Variants in ZNF469 observed in about 807,000 individuals in gnomAD.
ZNF469 encodes the protein zinc finger protein 469.
A neutral mutation model predicts 1.0 loss-of-function variants in ZNF469; 1 was observed. The observed-to-expected ratio is 1.00, with a 90% CI of 0.35 to 4.73. The LOEUF (loss-of-function observed/expected upper bound fraction) is 4.73, where lower values mean the gene tolerates loss of function less well. Among genes scored for constraint, ZNF469 ranks in the 30% most tolerant of loss-of-function variants. The pLI is 0.16. For missense variants in ZNF469, 6,100 were observed against 5,356.3 expected (o/e 1.14, Z -4.33); for synonymous variants, 2,703 against 2,363.4 (o/e 1.14, Z -4.17).
the ZNF469 span, among the ~76,000 whole-genome samples, chr16:88,204,101 T>C: frequency 1.2e-3 from 152 of 124,534 alleles, 1 homozygote; most frequent in African/African-American, 4.5e-3. Context: ...CAGCCGGAGG[T>C]GCCCCGTAAC....
At chr16:88,178,119 C>G in the ZNF469 span, 1 of 152,264 alleles carries the variant, frequency 6.6e-6, no homozygotes, top group African/African-American at 2.4e-5. Flanking sequence ...GAGTGATCTC[C>G]TTAGTCCATC....
At chr16:88,380,625 A>G (rs1307983822), upstream of ZNF469, among the ~76,000 whole-genome samples, 2 of 145,686 alleles carry the variant, frequency 1.4e-5, no homozygotes, top group Admixed American at 6.9e-5. Context: ...ACACCCAGAC[A>G]TGCGCTCACA....
chr16:88,392,157 T>A (rs1255531767), intron 1 of ZNF469, among the ~76,000 whole-genome samples: 1 of 152,276 alleles, frequency 6.6e-6, no homozygotes, highest in Non-Finnish European at 1.5e-5. Context: ...ACCATGTGAT[T>A]GATACAAACG....
chr16:88,320,534 C>T, the ZNF469 span, among the ~76,000 whole-genome samples: 1 of 152,172 alleles, frequency 6.6e-6, no homozygotes, highest in South Asian at 2.1e-4. Flanking sequence ...CAGGCGCCCA[C>T]CACCATATCT....
At chr16:88,306,322 G>A in the ZNF469 span, among the ~76,000 whole-genome samples, 45 of 152,284 alleles carry the variant, frequency 3.0e-4, 1 homozygote, top group Admixed American at 2.9e-3. Context: ...AACTTGAGGA[G>A]CTGAGGGACG....
the ZNF469 span, among the ~76,000 whole-genome samples, chr16:88,327,038 G>A: frequency 2.6e-5 from 4 of 152,124 alleles, no homozygotes; most frequent in East Asian, 3.9e-4. Context: ...TCTGATGGGC[G>A]GAGGGTCCTG....
intron 1 of ZNF469, among the ~76,000 whole-genome samples, chr16:88,411,947 C>T (rs1905179108): frequency 3.2e-3 from 1 of 314 alleles, no homozygotes; most frequent in South Asian, 0.25. Flanking sequence ...CCCTGATGTT[C>T]ATGGAGCCCT....
the ZNF469 span, among the ~76,000 whole-genome samples, chr16:88,146,669 G>C: frequency 2.6e-4 from 37 of 145,054 alleles, no homozygotes; most frequent in African/African-American, 9.8e-4. Context: ...GTGCATTTGT[G>C]GGGGGGCATT....
chr16:88,279,424 C>T, the ZNF469 span, among the ~76,000 whole-genome samples: 2 of 150,542 alleles, frequency 1.3e-5, no homozygotes, highest in Non-Finnish European at 2.9e-5. Flanking sequence ...CACACTGACA[C>T]TCGGTCAGTA....
chr16:88,363,180 C>T, the ZNF469 span, among the ~76,000 whole-genome samples: 4 of 152,154 alleles, frequency 2.6e-5, no homozygotes, highest in African/African-American at 9.7e-5. Flanking sequence ...GATTCTAGCC[C>T]CCAGGTCATA....
the ZNF469 span, among the ~76,000 whole-genome samples, chr16:88,266,281 A>C: frequency 6.6e-6 from 1 of 152,210 alleles, no homozygotes. Flanking sequence ...ACTTGGGGCC[A>C]CTGGGAGGCC....
the ZNF469 span, among the ~76,000 whole-genome samples, chr16:88,357,198 G>A: frequency 6.7e-3 from 1,026 of 152,310 alleles, 8 homozygotes; most frequent in Middle Eastern, 0.024. Flanking sequence ...CCCTGGACCC[G>A]GGTTTGAATC....
the ZNF469 span, among the ~76,000 whole-genome samples, chr16:88,195,908 G>A: frequency 3.3e-5 from 5 of 152,252 alleles, no homozygotes; most frequent in East Asian, 7.7e-4. Context: ...AGACAACACC[G>A]AGCAGGACTT....
chr16:88,257,686 G>C, the ZNF469 span, among the ~76,000 whole-genome samples: 1 of 151,986 alleles, frequency 6.6e-6, no homozygotes. Flanking sequence ...TTATTTCTTT[G>C]TGAAGGTCCA....
At chr16:88,245,821 A>G in the ZNF469 span, among the ~76,000 whole-genome samples, 1 of 152,280 alleles carries the variant, frequency 6.6e-6, no homozygotes, top group Non-Finnish European at 1.5e-5. Flanking sequence ...AAGACCAGTG[A>G]GGAAGGATGA....
the ZNF469 span, among the ~76,000 whole-genome samples, chr16:88,113,662 A>G: frequency 7.2e-5 from 11 of 152,206 alleles, no homozygotes; most frequent in Non-Finnish European, 1.6e-4. Flanking sequence ...TGAAGGGCCT[A>G]TCGTAGGTCA....
At chr16:88,298,542 T>C in the ZNF469 span, among the ~76,000 whole-genome samples, 2 of 152,210 alleles carry the variant, frequency 1.3e-5, no homozygotes, top group South Asian at 2.1e-4. Flanking sequence ...CTTTTCACAT[T>C]AGGAAAGTCT....
At chr16:88,131,219 C>A in the ZNF469 span, among the ~76,000 whole-genome samples, 2,539 of 151,974 alleles carry the variant, frequency 0.017, no homozygotes, top group African/African-American at 0.059. Flanking sequence ...GAATCACACC[C>A]CGTTGAATAA....
the ZNF469 span, among the ~76,000 whole-genome samples, chr16:88,317,483 G>T: frequency 6.6e-6 from 1 of 152,198 alleles, no homozygotes; most frequent in Non-Finnish European, 1.5e-5. Flanking sequence ...TGAAAACAGA[G>T]GTAGGGCCAC....
Sources: gnomAD v4.1 joint callset for allele counts (sites outside exome capture counted in the v4.1 genomes callset) on GRCh38, gnomAD v4.1.1 for gene constraint, MANE v1.5 for transcripts, NCBI Gene and HGNC (gene_info 2026-07-23, HGNC 2026-07-21) for gene names.